The following ZMIZ1 variants were observed in gnomAD, a reference collection of about 807,000 sequenced individuals.
ZMIZ1 encodes the protein zinc finger MIZ domain-containing protein 1.
Under a neutral mutation model 113.9 loss-of-function variants are expected in ZMIZ1, and 17 were observed. The ratio of observed to expected loss-of-function variants is 0.15; its 90% CI spans 0.10 to 0.22. ZMIZ1 has a LOEUF of 0.22. Among genes scored for constraint, ZMIZ1 ranks in the 10% least tolerant of loss-of-function variants. The probability of loss-of-function intolerance (pLI) is 1.00; values close to 1 mark genes in which losing one functional copy is unlikely to be tolerated. For synonymous variants in ZMIZ1, 607 were observed against 603.1 expected (o/e 1.01, Z -0.09); for missense variants, 1,059 against 1,477.8 (o/e 0.72, Z 4.65).
At chr10:79,240,524 A>T (rs1849777945) in intron 7 of ZMIZ1, among the ~76,000 whole-genome samples, 1 of 152,154 alleles carries the variant, frequency 6.6e-6, no homozygotes, top group Non-Finnish European at 1.5e-5. Flanking sequence ...GAGCCTTGAA[A>T]TTAGCATCTG....
intron 4 of ZMIZ1, among the ~76,000 whole-genome samples, chr10:79,170,669 C>G (rs1403011142): frequency 6.6e-6 from 1 of 152,204 alleles, no homozygotes; most frequent in Non-Finnish European, 1.5e-5. Context: ...CATCTGGGAG[C>G]CTTAATAGTT....
At chr10:79,089,351 A>G (rs1487549297) in intron 1 of ZMIZ1, among the ~76,000 whole-genome samples, 1 of 152,238 alleles carries the variant, frequency 6.6e-6, no homozygotes, top group Non-Finnish European at 1.5e-5. Flanking sequence ...GAGTGGCATC[A>G]ACAACACGAG....
At chr10:79,299,297 C>G in intron 16 of ZMIZ1, 106 bp downstream of exon 16, 1 of 1,445,206 alleles carries the variant, frequency 6.9e-7, no homozygotes, top group South Asian at 1.4e-5. Context: ...GCAGCATCTT[C>G]TGACACCTTC....
At chr10:79,128,890 C>T (rs1484563716) in intron 2 of ZMIZ1, among the ~76,000 whole-genome samples, 2 of 152,190 alleles carry the variant, frequency 1.3e-5, no homozygotes, top group Non-Finnish European at 2.9e-5. Flanking sequence ...GTGCTTAACC[C>T]ATCCACACCT....
chr10:79,147,712 C>T (rs911578894), intron 3 of ZMIZ1, among the ~76,000 whole-genome samples: 1 of 152,216 alleles, frequency 6.6e-6, no homozygotes, highest in Non-Finnish European at 1.5e-5. Flanking sequence ...CAGGAGGATG[C>T]AACCCCTACA....
rs200744293 is a variant in ZMIZ1 at position 79,305,257 on chromosome 10, G to A, written c.2354+26G>A. ...GTGAGTGATGCCCACCCCGGTGGGG[G>A]CTTCCCCCATCCCCCAACCACAGAC... On this transcript the variant is annotated intron_variant, in intron 20 of 24. Transcript: ENST00000334512. 2.0e-3 allele frequency: 3,255 copies of A among 1,611,878 alleles called. 7 individuals carry two copies. Among genetic ancestry groups the A allele is most frequent in the Non-Finnish European group, 2.6e-3 (3,053 of 1,178,280 alleles).
intron 7 of ZMIZ1, among the ~76,000 whole-genome samples, chr10:79,252,900 C>A (rs576516422): frequency 6.6e-6 from 1 of 152,186 alleles, no homozygotes; most frequent in African/African-American, 2.4e-5. Flanking sequence ...GACTATAGCT[C>A]GCTCAAGTTT....
chr10:79,159,217 G>T (rs1846013853), intron 3 of ZMIZ1, among the ~76,000 whole-genome samples: 1 of 152,214 alleles, frequency 6.6e-6, no homozygotes, highest in Non-Finnish European at 1.5e-5. Context: ...TATCCTTGCG[G>T]TCTGACCAGG....
intron 7 of ZMIZ1, among the ~76,000 whole-genome samples, chr10:79,257,031 C>T (rs534890449): frequency 3.3e-5 from 5 of 152,368 alleles, no homozygotes; most frequent in Admixed American, 6.5e-5. Context: ...CCCAGACCCA[C>T]ATGAGACAGA....
chr10:79,100,437 GA>G (rs748608550), intron 1 of ZMIZ1, among the ~76,000 whole-genome samples: 2,247 of 110,680 alleles, frequency 0.02, 36 homozygotes, highest in African/African-American at 0.042. Flanking sequence ...CACCATCTCT[GA>G]AAAAAAAAAA....
chr10:79,288,104 G>A (rs936434560), intron 8 of ZMIZ1, among the ~76,000 whole-genome samples: 1 of 152,226 alleles, frequency 6.6e-6, no homozygotes, highest in Non-Finnish European at 1.5e-5. Context: ...GGAGGGGCAA[G>A]TATGAGCAGA....
At chr10:79,304,967 G>A (rs1206172195) in intron 19 of ZMIZ1, among the ~76,000 whole-genome samples, 197 bp from the exon 20 acceptor site, 2 of 152,108 alleles carry the variant, frequency 1.3e-5, no homozygotes, top group African/African-American at 4.8e-5. Context: ...GTGGTGTGAG[G>A]GATGCTGGGG....
intron 1 of ZMIZ1, among the ~76,000 whole-genome samples, chr10:79,106,501 G>A (rs1256418588): frequency 6.6e-6 from 1 of 152,250 alleles, no homozygotes; most frequent in Non-Finnish European, 1.5e-5. Flanking sequence ...CCCCAAGCCT[G>A]TGGCTAGATC....
In ZMIZ1 at chr10:79,080,209, C is replaced by T. The variant is rs894859011; in HGVS notation, c.-337+10939C>T. On this transcript the variant is annotated intron_variant, in intron 1 of 24. Transcript: ENST00000334512. ...CAAGTAAGGGGATTTCTTGGCTCTC[C>T]GCCTGTCTGCCCTGTGTGCCCGGCA... 6.8e-4 allele frequency among the ~76,000 whole-genome samples: 103 copies of T among 152,128 alleles called. 1 individual carries two copies. The highest frequency in any genetic ancestry group is 4.3e-4 in the Non-Finnish European group (29 of 68,008).
chr10:79,106,274 G>T (rs1243490273), intron 1 of ZMIZ1, among the ~76,000 whole-genome samples: 1 of 152,254 alleles, frequency 6.6e-6, no homozygotes, highest in Non-Finnish European at 1.5e-5. Context: ...GAACCCAGCA[G>T]AATGTAGTAG....
intron 1 of ZMIZ1, among the ~76,000 whole-genome samples, chr10:79,103,825 C>G (rs981491878): frequency 1.3e-5 from 2 of 152,176 alleles, no homozygotes; most frequent in African/African-American, 4.8e-5. Context: ...ACCTTCCGGT[C>G]CCCTGGCTTG....
chr10:79,306,347 G>T lies in ZMIZ1; in HGVS notation c.2668+3G>T. Reference sequence around the variant, plus strand: ...CTCCAACGACTACAGCAGCCAAGGTGGGTGATGCCAGGCAGGGAGGAAGGG... The same window carrying T: ...CTCCAACGACTACAGCAGCCAAGGTTGGTGATGCCAGGCAGGGAGGAAGGG... On this transcript the variant is annotated splice_donor_region_variant and intron_variant, in intron 22 of 24. Coordinates refer to ENST00000334512, the MANE Select transcript of ZMIZ1 (RefSeq NM_020338.4). 6.2e-7 allele frequency: 1 copy of T among 1,607,902 alleles called. No homozygotes were observed. Among genetic ancestry groups the T allele is most frequent in the Non-Finnish European group, 8.5e-7 (1 of 1,179,700 alleles).
At chr10:79,133,865 G>A (rs189409803) in intron 2 of ZMIZ1, among the ~76,000 whole-genome samples, 10 of 152,288 alleles carry the variant, frequency 6.6e-5, no homozygotes, top group East Asian at 1.9e-4. Context: ...GGGCATTGCC[G>A]CAGGCATAAT....
chr10:79,309,363 G>A (rs535925841), intron 23 of ZMIZ1, among the ~76,000 whole-genome samples: 2 of 152,358 alleles, frequency 1.3e-5, no homozygotes, highest in South Asian at 4.1e-4. Context: ...CTGGAGTGTG[G>A]AGCCCCTCCC....
Sources: gnomAD v4.1 joint callset for allele counts (sites outside exome capture counted in the v4.1 genomes callset) on GRCh38, gnomAD v4.1.1 for gene constraint, MANE v1.5 for transcripts, NCBI Gene and HGNC (gene_info 2026-07-23, HGNC 2026-07-21) for gene names.